Variants in LEO1 observed in about 807,000 individuals in gnomAD.
LEO1 encodes RNA polymerase-associated protein LEO1.
LEO1 carries 34 observed loss-of-function variants against 80.4 expected under a neutral mutation model. The observed-to-expected ratio is 0.42, with a 90% CI of 0.32 to 0.56. The LOEUF (loss-of-function observed/expected upper bound fraction) is 0.56, where lower values mean the gene tolerates loss of function less well. LEO1 is among the 20% of genes least tolerant of loss of function. The probability of loss-of-function intolerance (pLI) is 0.10; values close to 1 mark genes in which losing one functional copy is unlikely to be tolerated. For synonymous variants in LEO1, 262 were observed against 274.9 expected, an observed-to-expected ratio of 0.95 and a Z score of 0.46; for missense variants, 631 against 814.2, an observed-to-expected ratio of 0.77 and a Z score of 2.74.
intron 3 of LEO1, 128 bp downstream of exon 3, chr15:51,962,261 A>C: frequency 1.8e-6 from 1 of 561,956 alleles, no homozygotes; most frequent in Non-Finnish European, 3.1e-6. Context: ...GAGTACACTG[A>C]GCGTATCCAC....
intron 11 of LEO1, among the ~76,000 whole-genome samples, chr15:51,941,956 T>A (rs1352326819): frequency 6.6e-6 from 1 of 152,268 alleles, no homozygotes; most frequent in African/African-American, 2.4e-5. Flanking sequence ...ATCGATGCAG[T>A]TCACTCTAAT....
In LEO1 at chr15:51,971,695, C is replaced by T. The variant is rs747282458; in HGVS notation, c.51G>A (p.Glu17=). The part of the protein sequence containing the change: ...LFGSDADSEA[E]RKDSDSGSDS... ...GAAGACCAGCGAACCCACCTTTACG[C>T]TCAGCTTCGCTGTCGGCGTCGCTCC... Residue 17 remains glutamate, a synonymous_variant, in exon 1 of 12, where the codon GAG becomes GAA. Transcript: ENST00000299601. 6.2e-7 allele frequency: 1 copy of T among 1,614,080 alleles called. No homozygotes were observed. Among genetic ancestry groups the T allele is most frequent in the African/African-American group, 1.3e-5 (1 of 74,958 alleles).
rs79685869 is a variant in LEO1 at position 51,951,156 on chromosome 15, C to T, written c.1611+688G>A. Among the ~76,000 whole-genome samples the T allele has an allele frequency of 4.1e-4, 63 of 152,294 alleles. No individual in the cohort carries two copies. The East Asian group carries it at 0.012, about 28-fold the overall frequency. ...CTTAGCCTCACCATGCCCTGCTTCA[C>T]TAAACAACGTAATCACAAGAGGCAG... On this transcript the variant is annotated intron_variant, in intron 9 of 11. Coordinates refer to ENST00000299601, the MANE Select transcript of LEO1 (RefSeq NM_138792.4).
chr15:51,958,806 T>C lies in LEO1; in HGVS notation c.1181A>G (p.Tyr394Cys). The change falls in exon 6 of 12, where the codon TAT becomes TGT. Residue 394 changes from tyrosine to cysteine, a missense_variant. Tyr to Cys is a radical substitution (Grantham distance 194). Coordinates refer to ENST00000299601, the MANE Select transcript of LEO1 (RefSeq NM_138792.4). ...TTCTTCATCTTCAAATTCATCTTCA[T>C]AATACTGAGGATCAAAAGGTCTACA... ...VEPRPFDPQYYEDEFEDEEML... is the reference protein window; with the variant it reads ...VEPRPFDPQYCEDEFEDEEML... The C allele has an allele frequency of 6.3e-7, 1 of 1,587,400 alleles. No individual in the cohort carries two copies. Among genetic ancestry groups the C allele is most frequent in the Non-Finnish European group, 8.6e-7 (1 of 1,162,964 alleles).
Position 51,938,099 on chromosome 15 carries a change from GT to G in LEO1, c.*56del. On this transcript the variant is annotated 3_prime_UTR_variant, in exon 12 of 12. Transcript: ENST00000299601. ...ATTCATTTCAATCAAAATAACTCATGTTTACATATTTATAACTGTACAATAA... is the reference window on the plus strand; with the variant it reads ...ATTCATTTCAATCAAAATAACTCATGTTACATATTTATAACTGTACAATAA... 1 of 829,788 alleles carries G rather than the reference GT, an allele frequency of 1.2e-6. No homozygotes were observed. The highest frequency in any genetic ancestry group is 1.9e-6 in the Non-Finnish European group (1 of 529,886). The allele number at this position is 829,788 out of a possible 1,614,324, so 51.4% of individuals were successfully genotyped here.
At chr15:51,969,102 G>A (rs945646913) in intron 1 of LEO1, among the ~76,000 whole-genome samples, 5 of 151,678 alleles carry the variant, frequency 3.3e-5, no homozygotes, top group Non-Finnish European at 7.4e-5. Context: ...GTTTATGGGC[G>A]CACGCCACCA....
chr15:51,958,386 T>C (rs758317003), intron 6 of LEO1, among the ~76,000 whole-genome samples: 2 of 151,940 alleles, frequency 1.3e-5, no homozygotes, highest in African/African-American at 2.4e-5. Flanking sequence ...ACCCAGGAAA[T>C]TGAGGCTGCC....
At chr15:51,953,087 C>T (rs2056961979) in intron 8 of LEO1, 42 bp downstream of exon 8, 1 of 1,554,644 alleles carries the variant, frequency 6.4e-7, no homozygotes, top group South Asian at 1.1e-5. Context: ...TGTTTCACTG[C>T]TTTTACCATA....
rs370588753 is a variant in LEO1, at chr15:51,966,460, C to G, written c.103G>C (p.Ala35Pro). ...CTTCCAGAGGCATTACTGCCAGAGG[C>G]AGCATTCTCTTGATCAGAATCTGAG... ...SDSDSDQENA[A>P]SGSNASGSES... is the part of the protein sequence containing the mutation. Residue 35 changes from alanine (A) to proline (P), a missense_variant, in exon 2 of 12, where the codon GCC becomes CCC. Physicochemically the swap from Ala to Pro is conservative, Grantham distance 27 (BLOSUM62 -1). This residue lies in a region of LEO1 where 394 missense variants were observed against 395.6 expected (regional missense o/e 1.00). Transcript: ENST00000299601. The G allele has an allele frequency of 5.6e-6, 9 of 1,612,786 alleles. No homozygotes were observed. In the African/African-American group the frequency reaches 1.2e-4, roughly 22 times the overall value.
At chr15:51,949,140 G>C (rs936408801) in intron 10 of LEO1, among the ~76,000 whole-genome samples, 4 of 152,190 alleles carry the variant, frequency 2.6e-5, no homozygotes, top group East Asian at 1.9e-4. Flanking sequence ...TGATACTTGT[G>C]AAAGGAGGAA....
intron 5 of LEO1, 148 bp from the exon 6 acceptor site, chr15:51,958,974 A>G (rs1012975316): frequency 4.1e-6 from 2 of 491,698 alleles, no homozygotes; most frequent in African/African-American, 4.1e-5. Context: ...TTCATGCTTA[A>G]CTTCAAGGAA....
intron 3 of LEO1, among the ~76,000 whole-genome samples, chr15:51,961,110 T>C (rs2436658): frequency 0.44 from 66,677 of 152,000 alleles, 14,854 homozygotes; most frequent in Admixed American, 0.52. Flanking sequence ...AGTCCAGGCA[T>C]AGTGGTTCAT....
intron 3 of LEO1, among the ~76,000 whole-genome samples, chr15:51,961,229 A>G (rs2057027637): frequency 6.6e-6 from 1 of 152,150 alleles, no homozygotes; most frequent in Non-Finnish European, 1.5e-5. Flanking sequence ...CTAAAAATAC[A>G]AAAACTAGCT....
At position 51,962,436 on chromosome 15, in the gene LEO1, G is replaced by T. The variant is rs774730401; in HGVS notation, c.872C>A (p.Ala291Glu). The change falls in exon 3 of 12, where the codon GCG becomes GAG. Residue 291 changes from alanine to glutamate, a missense_variant. Transcript: ENST00000299601. ...ATCCGCTTCTGAATCAGATGCAATC[G>T]CATTCTTGCGTTTCATTCGTAAAAC... ...DEVLRMKRKN[A>E]IASDSEADSD... 9 of 1,613,370 alleles carry T rather than the reference G, an allele frequency of 5.6e-6. No homozygotes were observed. The East Asian group carries it at 2.0e-4, about 36-fold the overall frequency.
intron 6 of LEO1, among the ~76,000 whole-genome samples, chr15:51,955,824 A>G (rs1269458068): frequency 6.6e-6 from 1 of 152,090 alleles, no homozygotes; most frequent in Admixed American, 6.5e-5. Flanking sequence ...CCCTTTCCCT[A>G]TTTATTCCTC....
At chr15:51,953,105 A>C (rs199857193) in intron 8 of LEO1, 24 bp downstream of exon 8, 3 of 1,591,598 alleles carry the variant, frequency 1.9e-6, no homozygotes, top group Non-Finnish European at 2.6e-6. Flanking sequence ...ATAAGAAATA[A>C]TACATAATAA....
intron 6 of LEO1, among the ~76,000 whole-genome samples, chr15:51,956,817 C>T (rs527526919): frequency 6.6e-6 from 1 of 152,016 alleles, no homozygotes; most frequent in Non-Finnish European, 1.5e-5. Flanking sequence ...GGGTAAAATA[C>T]ATATTTATAA....
At chr15:51,954,733 C>CT (rs1470670374) in intron 6 of LEO1, 158 bp from the exon 7 acceptor site, 3 of 589,842 alleles carry the variant, frequency 5.1e-6, no homozygotes, top group Non-Finnish European at 6.0e-6. Context: ...CTTTAATCAC[C>CT]TAGAGAGGTT....
chr15:51,954,456 T>C (rs374989268), intron 7 of LEO1, 25 bp downstream of exon 7: 30 of 1,464,958 alleles, frequency 2.0e-5, no homozygotes, highest in Non-Finnish European at 2.9e-5. Flanking sequence ...GGTATGTCAA[T>C]ACCCTTCAGG....
Sources: gnomAD v4.1 joint callset for allele counts (sites outside exome capture counted in the v4.1 genomes callset) on GRCh38, gnomAD v4.1.1 for gene constraint, gnomAD v4.1.1 regional missense constraint, MANE v1.5 for transcripts, NCBI Gene and HGNC (gene_info 2026-07-23, HGNC 2026-07-21) for gene names.